CTNNBIP1: variants seen among roughly 807,000 people sequenced by gnomAD.
CTNNBIP1 encodes the protein beta-catenin-interacting protein 1.
Under a neutral mutation model 11.8 loss-of-function variants are expected in CTNNBIP1, and 7 were observed. The ratio of observed to expected loss-of-function variants is 0.60; its 90% CI spans 0.34 to 1.12. CTNNBIP1 has a LOEUF of 1.12. Among genes scored for constraint, CTNNBIP1 ranks in the 50% most tolerant of loss-of-function variants. The pLI is 0.03. For missense variants in CTNNBIP1, 101 were observed against 113.4 expected (o/e 0.89, Z 0.50); for synonymous variants, 58 against 43.9 (o/e 1.32, Z -1.26).
At chr1:9,865,643 A>C (rs535737084) in intron 5 of CTNNBIP1, among the ~76,000 whole-genome samples, 57 of 152,248 alleles carry the variant, frequency 3.7e-4, no homozygotes, top group African/African-American at 1.4e-3. Flanking sequence ...AGAAAAAAAA[A>C]CAGGTATTAA....
At chr1:9,892,844 C>G (rs1202041026) in intron 1 of CTNNBIP1, among the ~76,000 whole-genome samples, 2 of 152,088 alleles carry the variant, frequency 1.3e-5, no homozygotes, top group Non-Finnish European at 2.9e-5. Context: ...CCAGCTACCT[C>G]GGAACAAAAC....
intron 2 of CTNNBIP1, among the ~76,000 whole-genome samples, chr1:9,878,606 C>G (rs1484228086): frequency 6.6e-6 from 1 of 152,240 alleles, no homozygotes; most frequent in Non-Finnish European, 1.5e-5. Context: ...TGGCAGGAAT[C>G]TCAGAACACT....
intron 5 of CTNNBIP1, among the ~76,000 whole-genome samples, chr1:9,861,545 C>A (rs931206534): frequency 6.6e-6 from 1 of 152,216 alleles, no homozygotes; most frequent in Non-Finnish European, 1.5e-5. Context: ...GCAGCCAAAG[C>A]AGCACCAGGC....
chr1:9,864,725 T>A (rs1638708807), intron 5 of CTNNBIP1, among the ~76,000 whole-genome samples: 1 of 152,256 alleles, frequency 6.6e-6, no homozygotes, highest in African/African-American at 2.4e-5. Flanking sequence ...GGCCTGGAAC[T>A]GTACTTGCTG....
rs566361388 is a variant in CTNNBIP1 at position 9,907,800 on chromosome 1, T to C, written c.-144+2295A>G. 4.8e-4 allele frequency among the ~76,000 whole-genome samples: 73 copies of C among 152,284 alleles called. 1 individual carries two copies. The highest frequency in any genetic ancestry group is 1.7e-3 in the African/African-American group (71 of 41,558). On this transcript the variant is annotated intron_variant, in intron 1 of 5. Coordinates refer to ENST00000377263, the MANE Select transcript of CTNNBIP1 (RefSeq NM_020248.3). ...ACTGATTCCACCTCTTCGTTTCCACTGCCACTGCCCCGATCCCTCAAGCCA... is the reference window on the plus strand; with the variant it reads ...ACTGATTCCACCTCTTCGTTTCCACCGCCACTGCCCCGATCCCTCAAGCCA...
chr1:9,864,284 G>A (rs1011363923), intron 5 of CTNNBIP1, among the ~76,000 whole-genome samples: 1 of 152,228 alleles, frequency 6.6e-6, no homozygotes, highest in African/African-American at 2.4e-5. Context: ...GACAAAATGA[G>A]CCAAGTCTAG....
At chr1:9,892,546 T>C (rs2101529303) in intron 1 of CTNNBIP1, among the ~76,000 whole-genome samples, 1 of 148,634 alleles carries the variant, frequency 6.7e-6, no homozygotes, top group Admixed American at 6.7e-5. Context: ...TGAGCTATGA[T>C]CACACCACTG....
At chr1:9,859,249 T>C (rs2101446233) in intron 5 of CTNNBIP1, among the ~76,000 whole-genome samples, 1 of 152,330 alleles carries the variant, frequency 6.6e-6, no homozygotes, top group South Asian at 2.1e-4. Flanking sequence ...GGCGCAGCTT[T>C]CTAAACCAGG....
intron 1 of CTNNBIP1, among the ~76,000 whole-genome samples, chr1:9,900,616 C>G (rs933174524): frequency 1.3e-5 from 2 of 152,196 alleles, no homozygotes; most frequent in African/African-American, 4.8e-5. Flanking sequence ...GTGCCAGCAG[C>G]AGCAGACCTC....
Position 9,885,230 on chromosome 1 carries a change from T to C in CTNNBIP1, c.-143-1492A>G, listed in dbSNP as rs555738243. Among the ~76,000 whole-genome samples, 6 of 151,788 alleles carry C rather than the reference T, an allele frequency of 4.0e-5. No homozygotes were observed. The East Asian group carries it at 1.2e-3, about 29-fold the overall frequency. On this transcript the variant is annotated intron_variant, in intron 1 of 5. Coordinates refer to ENST00000377263, the MANE Select transcript of CTNNBIP1 (RefSeq NM_020248.3). Reference sequence around the variant, plus strand: ...GGGGGCAATGGTGACGGCTCCCGGGTTTTCAGTCTAAGTGGCTGAAGGTCG... The same window carrying C: ...GGGGGCAATGGTGACGGCTCCCGGGCTTTCAGTCTAAGTGGCTGAAGGTCG...
Position 9,867,858 on chromosome 1 carries a change from C to T in CTNNBIP1, c.187+3329G>A, listed in dbSNP as rs935507897. Among the ~76,000 whole-genome samples, 1 of 152,192 alleles carries T rather than the reference C, an allele frequency of 6.6e-6. No individual in the cohort carries two copies. Among genetic ancestry groups the T allele is most frequent in the East Asian group, 1.9e-4 (1 of 5,194 alleles). On this transcript the variant is annotated intron_variant, in intron 5 of 5. Coordinates refer to ENST00000377263, the MANE Select transcript of CTNNBIP1 (RefSeq NM_020248.3). This position sits in a 1 kb window ranked among gnomAD's most constrained non-coding sequence, Gnocchi z 4.6. ...GCAGCATCAGCTGAGATTGGCTCTG[C>T]GATGGAGAAGGTGGGCAGGTGAGAT...
intron 1 of CTNNBIP1, among the ~76,000 whole-genome samples, chr1:9,908,961 T>G (rs762137044): frequency 4.6e-4 from 70 of 152,214 alleles, no homozygotes; most frequent in Non-Finnish European, 5.3e-4. Context: ...AATGACACAT[T>G]GGCATTTAAC....
rs571027306 is a variant in CTNNBIP1, at chr1:9,871,470, G to A, written c.97-193C>T. On this transcript the variant is annotated intron_variant, in intron 4 of 5. Transcript: ENST00000377263. This position sits in a 1 kb window ranked among gnomAD's most constrained non-coding sequence, Gnocchi z 5.2. ...CCCACCCTCCTTAAACTTGGTCCAGGGGTCCAAAGCCTTTGCCACTCAGAC... is the reference window on the plus strand; with the variant it reads ...CCCACCCTCCTTAAACTTGGTCCAGAGGTCCAAAGCCTTTGCCACTCAGAC... Among the ~76,000 whole-genome samples, 64 of 152,188 alleles carry A rather than the reference G, an allele frequency of 4.2e-4. 2 individuals carry two copies. In the South Asian group the frequency reaches 0.013, roughly 31 times the overall value.
At chr1:9,876,877 C>CACACAG in intron 3 of CTNNBIP1, among the ~76,000 whole-genome samples, 2 of 151,872 alleles carry the variant, frequency 1.3e-5, no homozygotes, top group South Asian at 2.1e-4. Flanking sequence ...CACACACACA[C>CACACAG]ACACACACAC....
At chr1:9,859,592 T>C (rs1638580614) in intron 5 of CTNNBIP1, among the ~76,000 whole-genome samples, 1 of 152,226 alleles carries the variant, frequency 6.6e-6, no homozygotes. Context: ...GCTGAAGTCT[T>C]TCAAAGGTCC....
At chr1:9,873,558 G>A (rs1004654061) in intron 3 of CTNNBIP1, among the ~76,000 whole-genome samples, 4 of 152,138 alleles carry the variant, frequency 2.6e-5, no homozygotes, top group African/African-American at 9.7e-5. Flanking sequence ...CCAATCTGGA[G>A]CTGGACTCCA....
Sources: gnomAD v4.1 joint callset for allele counts (sites outside exome capture counted in the v4.1 genomes callset) on GRCh38, gnomAD v4.1.1 for gene constraint, Gnocchi (gnomAD v3.1) non-coding constraint, MANE v1.5 for transcripts, NCBI Gene and HGNC (gene_info 2026-07-23, HGNC 2026-07-21) for gene names.